The following ODAD2 variants were observed in gnomAD, a reference collection of about 807,000 sequenced individuals.
ODAD2 encodes outer dynein arm docking complex subunit 2.
A neutral mutation model predicts 106.8 loss-of-function variants in ODAD2; 89 were observed. The ratio of observed to expected loss-of-function variants is 0.83; its 90% CI spans 0.70 to 0.99. The LOEUF (loss-of-function observed/expected upper bound fraction) is 0.99, where lower values mean the gene tolerates loss of function less well. Ranked by LOEUF, ODAD2 falls within the 50% of genes least tolerant of loss-of-function variation. The probability of loss-of-function intolerance (pLI) is 0.00; values close to 1 mark genes in which losing one functional copy is unlikely to be tolerated. For missense variants in ODAD2, 1,168 were observed against 1,238.5 expected, an observed-to-expected ratio of 0.94 and a Z score of 0.85; for synonymous variants, 404 against 436.2, an observed-to-expected ratio of 0.93 and a Z score of 0.92.
intron 12 of ODAD2, among the ~76,000 whole-genome samples, chr10:27,942,588 A>T (rs1846536796): frequency 6.6e-6 from 1 of 152,254 alleles, no homozygotes; most frequent in Non-Finnish European, 1.5e-5. Context: ...ATCCATTCTT[A>T]TAATTTAATG....
At chr10:27,882,236 ATAT>A (rs1389887214) in intron 17 of ODAD2, among the ~76,000 whole-genome samples, 2 of 145,036 alleles carry the variant, frequency 1.4e-5, no homozygotes, top group African/African-American at 4.9e-5. Context: ...AAAGAAAGAA[ATAT>A]GAACTCTCTG....
rs150740565 is a variant in ODAD2, at chr10:27,915,232, T to G, written c.2496-7455A>C. On this transcript the variant is annotated intron_variant, in intron 16 of 19. Coordinates refer to ENST00000305242, the MANE Select transcript of ODAD2 (RefSeq NM_018076.5). The stretch of plus-strand genomic sequence containing the variant: ...ACCAAAGAAAAAAAATGCATACGTC[T>G]TAGTCCCTTCAGGCTGCAATAACAG... 6.6e-5 allele frequency among the ~76,000 whole-genome samples: 10 copies of G among 152,270 alleles called. No individual in the cohort carries two copies. The South Asian group carries it at 8.3e-4, about 13-fold the overall frequency.
At chr10:27,978,757 A>G (rs1849348648) in intron 7 of ODAD2, among the ~76,000 whole-genome samples, 1 of 152,136 alleles carries the variant, frequency 6.6e-6, no homozygotes, top group Admixed American at 6.5e-5. Flanking sequence ...ACACCACTGC[A>G]CTTCAGCCTG....
At chr10:27,822,623 A>C (rs954186899) in intron 19 of ODAD2, among the ~76,000 whole-genome samples, 2 of 152,208 alleles carry the variant, frequency 1.3e-5, no homozygotes, top group Non-Finnish European at 2.9e-5. Context: ...TTTCTTGCAC[A>C]TCCAGACTCT....
intron 3 of ODAD2, 69 bp from the exon 4 acceptor site, chr10:27,985,280 G>C (rs778536293): frequency 1.5e-4 from 182 of 1,236,908 alleles, no homozygotes; most frequent in Non-Finnish European, 1.8e-4. Context: ...CAAACATTAA[G>C]ACTAATAAAT....
chr10:27,953,123 C>A (rs527424544), intron 10 of ODAD2, among the ~76,000 whole-genome samples: 36 of 152,244 alleles, frequency 2.4e-4, no homozygotes, highest in African/African-American at 8.4e-4. Flanking sequence ...ATATATCCAT[C>A]ACCTGAAAAC....
rs1349836652 is a variant in ODAD2 at position 27,862,520 on chromosome 10, T to C, written c.2713A>G (p.Ile905Val). ...TCTTGATCTTTTGCTATGTTGGTAA[T>C]GGCAGCACATACACTTGCCAGAACT... is the stretch of plus-strand genomic sequence containing the variant. Reference protein sequence around the residue: ...KEVLASVCAAITNIAKDQENL... With the variant: ...KEVLASVCAAVTNIAKDQENL... The change falls in exon 18 of 20, where the codon ATT (isoleucine) becomes GTT (valine). Residue 905 changes from isoleucine to valine, a missense_variant. Transcript: ENST00000305242. 1.2e-6 allele frequency: 2 copies of C among 1,613,126 alleles called. No homozygotes were observed. Among genetic ancestry groups the C allele is most frequent in the Non-Finnish European group, 1.7e-6 (2 of 1,179,594 alleles).
chr10:27,997,983 C>T (rs1355018286), intron 1 of ODAD2, among the ~76,000 whole-genome samples: 1 of 152,198 alleles, frequency 6.6e-6, no homozygotes, highest in Admixed American at 6.5e-5. Context: ...TCACTTAGCA[C>T]TCATTTTTCT....
chr10:27,951,414 T>A (rs1466638126), intron 10 of ODAD2, among the ~76,000 whole-genome samples: 1 of 117,864 alleles, frequency 8.5e-6, no homozygotes, highest in East Asian at 2.5e-4. Flanking sequence ...TCCAAATAAG[T>A]TAATGCAAAG....
At chr10:27,919,799 T>C (rs1844645070) in intron 16 of ODAD2, among the ~76,000 whole-genome samples, 1 of 152,240 alleles carries the variant, frequency 6.6e-6, no homozygotes, top group Middle Eastern at 3.4e-3. Context: ...TCTATAGTAA[T>C]GGAAATAAAA....
At chr10:27,815,659 C>T (rs1434110471) in intron 19 of ODAD2, among the ~76,000 whole-genome samples, 1 of 152,208 alleles carries the variant, frequency 6.6e-6, no homozygotes, top group East Asian at 1.9e-4. Flanking sequence ...TCATTCTCAT[C>T]TTCTCAATCT....
At chr10:27,927,493 G>C (rs1430312129) in intron 16 of ODAD2, among the ~76,000 whole-genome samples, 2 of 152,120 alleles carry the variant, frequency 1.3e-5, no homozygotes, top group African/African-American at 4.8e-5. Flanking sequence ...ATAATGCAAA[G>C]AGTAATGCTG....
chr10:27,816,488 C>G (rs1836145637), intron 19 of ODAD2, among the ~76,000 whole-genome samples: 1 of 152,020 alleles, frequency 6.6e-6, no homozygotes, highest in South Asian at 2.1e-4. Context: ...TTTGAACAGC[C>G]ATATGGTCTG....
intron 15 of ODAD2, 81 bp from the exon 16 acceptor site, chr10:27,935,333 C>T (rs1426708899): frequency 6.6e-7 from 1 of 1,508,964 alleles, no homozygotes. Flanking sequence ...TCAATCCTTA[C>T]AACAACCCAA....
intron 8 of ODAD2, among the ~76,000 whole-genome samples, chr10:27,969,818 A>G (rs917334774): frequency 6.6e-6 from 1 of 152,160 alleles, no homozygotes; most frequent in African/African-American, 2.4e-5. Flanking sequence ...TAAGCTTTAA[A>G]AAGTGGGCTG....
intron 2 of ODAD2, among the ~76,000 whole-genome samples, chr10:27,989,848 C>CA (rs1850115101): frequency 6.7e-6 from 1 of 149,848 alleles, no homozygotes; most frequent in Non-Finnish European, 1.5e-5. Flanking sequence ...GACCCCCTCT[C>CA]AAAAAATAAA....
At chr10:27,927,571 G>A (rs1338990311) in intron 16 of ODAD2, among the ~76,000 whole-genome samples, 1 of 152,112 alleles carries the variant, frequency 6.6e-6, no homozygotes. Context: ...ACACACGTGG[G>A]ACGCCTATGT....
chr10:27,844,884 A>G (rs1838605391), intron 19 of ODAD2, among the ~76,000 whole-genome samples: 1 of 152,208 alleles, frequency 6.6e-6, no homozygotes, highest in Admixed American at 6.5e-5. Context: ...GTTGGATTTG[A>G]CTTAGCAGAA....
At chr10:27,980,747 C>G (rs890948548) in intron 7 of ODAD2, among the ~76,000 whole-genome samples, 5 of 151,992 alleles carry the variant, frequency 3.3e-5, no homozygotes, top group Non-Finnish European at 7.4e-5. Flanking sequence ...TGGTGTGGCC[C>G]CCGTGGAAAA....
Sources: gnomAD v4.1 joint callset for allele counts (sites outside exome capture counted in the v4.1 genomes callset) on GRCh38, gnomAD v4.1.1 for gene constraint, MANE v1.5 for transcripts, NCBI Gene and HGNC (gene_info 2026-07-23, HGNC 2026-07-21) for gene names.